CEP83: variants seen among roughly 807,000 people sequenced by gnomAD.
The protein encoded by CEP83 is centrosomal protein 83.
CEP83 carries 70 observed loss-of-function variants against 101.9 expected under a neutral mutation model. That is an observed-to-expected ratio of 0.69 (90% CI 0.57 to 0.84). The LOEUF is 0.84. Ranked by LOEUF, CEP83 falls within the 40% of genes least tolerant of loss-of-function variation. CEP83 has a pLI of 0.00. For missense variants in CEP83, 715 were observed against 787.2 expected (o/e 0.91, Z 1.10); for synonymous variants, 264 against 267.9 (o/e 0.99, Z 0.14).
At chr12:94,344,557 C>G (rs1593285345) in intron 11 of CEP83, among the ~76,000 whole-genome samples, 1 of 147,188 alleles carries the variant, frequency 6.8e-6, no homozygotes, top group Non-Finnish European at 1.5e-5. Flanking sequence ...TTTCTATATG[C>G]AACGAACAAT....
intron 6 of CEP83, among the ~76,000 whole-genome samples, chr12:94,381,197 G>C (rs2061831495): frequency 6.6e-6 from 1 of 152,154 alleles, no homozygotes; most frequent in Non-Finnish European, 1.5e-5. Flanking sequence ...ATTTGGCACA[G>C]ATCTTGGATA....
At chr12:94,449,289 T>C (rs1444989663) in intron 1 of CEP83, among the ~76,000 whole-genome samples, 1 of 152,096 alleles carries the variant, frequency 6.6e-6, no homozygotes, top group Non-Finnish European at 1.5e-5. Flanking sequence ...ATTTTAAATA[T>C]TCCCACAAAG....
At position 94,357,502 on chromosome 12, in the gene CEP83, G is replaced by A. The variant is rs149359812; in HGVS notation, c.1343+10292C>T. ...TTGATAAAGAAGGGAATCCGATTTC[G>A]GGAAATGCCATGAGGGAGCCGTCTC... On this transcript the variant is annotated intron_variant, in intron 11 of 16. Coordinates refer to ENST00000397809, the MANE Select transcript of CEP83 (RefSeq NM_016122.3). Among the ~76,000 whole-genome samples, 987 of 152,290 alleles carry A rather than the reference G, an allele frequency of 6.5e-3. 17 individuals carry two copies. Among genetic ancestry groups the A allele is most frequent in the African/African-American group, 0.023 (941 of 41,564 alleles).
In CEP83 at chr12:94,322,639, C is replaced by T. The variant is rs185103567; in HGVS notation, c.1707+9061G>A. Among the ~76,000 whole-genome samples the T allele has an allele frequency of 3.9e-5, 6 of 152,240 alleles. No homozygotes were observed. In the South Asian group the frequency reaches 8.3e-4, roughly 21 times the overall value. ...TTGGGGTATGGTTGTAGACCTCAGT[C>T]GGGAGATCCCACCCAGTGAGGAGAA... On this transcript the variant is annotated intron_variant, in intron 14 of 16. Transcript: ENST00000397809.
At position 94,429,407 on chromosome 12, in the gene CEP83, G is replaced by A. The variant is rs191671627; in HGVS notation, c.-102+5868C>T. Among the ~76,000 whole-genome samples, 6 of 152,270 alleles carry A rather than the reference G, an allele frequency of 3.9e-5. No individual in the cohort carries two copies. In the East Asian group the frequency reaches 1.2e-3, roughly 29 times the overall value. ...GCATTGCTCCAGAGAGGGAGCTCAC[G>A]CTGGGGCACACCAACCTCTCCACTC... On this transcript the variant is annotated intron_variant, in intron 2 of 16. Transcript: ENST00000397809.
At chr12:94,388,400 A>G (rs1360375093) in intron 6 of CEP83, among the ~76,000 whole-genome samples, 1 of 152,196 alleles carries the variant, frequency 6.6e-6, no homozygotes, top group Non-Finnish European at 1.5e-5. Flanking sequence ...ATATGGACAT[A>G]AAGATGGGAA....
At chr12:94,399,198 A>C (rs184349963) in intron 6 of CEP83, among the ~76,000 whole-genome samples, 1 of 152,142 alleles carries the variant, frequency 6.6e-6, no homozygotes, top group East Asian at 1.9e-4. Context: ...GAAATCCTTA[A>C]TAAATCTTGC....
chr12:94,325,910 C>T (rs531962892), intron 14 of CEP83, among the ~76,000 whole-genome samples: 2 of 152,140 alleles, frequency 1.3e-5, no homozygotes, highest in East Asian at 1.9e-4. Flanking sequence ...GCTGCTAAGA[C>T]CTATGGAATT....
At chr12:94,429,078 G>A (rs143834800) in intron 2 of CEP83, among the ~76,000 whole-genome samples, 2 of 152,284 alleles carry the variant, frequency 1.3e-5, no homozygotes. Context: ...TTTACCATGT[G>A]CACATATTAC....
At chr12:94,407,192 G>A (rs1400067561) in intron 4 of CEP83, among the ~76,000 whole-genome samples, 1 of 152,108 alleles carries the variant, frequency 6.6e-6, no homozygotes, top group African/African-American at 2.4e-5. Context: ...TCCAAAGGAG[G>A]TGAAAGAGGA....
intron 12 of CEP83, 35 bp from the exon 13 acceptor site, chr12:94,333,674 A>C (rs2059334339): frequency 6.2e-7 from 1 of 1,600,502 alleles, no homozygotes; most frequent in Non-Finnish European, 8.5e-7. Flanking sequence ...ATTAAAGCCC[A>C]CTAAATAAAT....
chr12:94,343,136 T>G (rs899126758), intron 11 of CEP83, among the ~76,000 whole-genome samples: 11 of 151,688 alleles, frequency 7.3e-5, no homozygotes, highest in African/African-American at 2.7e-4. Context: ...TATATATATA[T>G]ATAGAACTTC....
chr12:94,351,205 T>C (rs1010067341), intron 11 of CEP83, among the ~76,000 whole-genome samples: 6 of 151,414 alleles, frequency 4.0e-5, no homozygotes, highest in Non-Finnish European at 8.8e-5. Context: ...TAGGTAGGAG[T>C]TCCTTAGCAA....
At chr12:94,284,618 C>A in the CEP83 span, among the ~76,000 whole-genome samples, 1 of 151,994 alleles carries the variant, frequency 6.6e-6, no homozygotes, top group African/African-American at 2.4e-5. Context: ...TATTATTAAC[C>A]CCACTTTATA....
Position 94,396,528 on chromosome 12 carries a change from T to C in CEP83, c.549+4322A>G, listed in dbSNP as rs544018994. ...TGGTCTCGATCTCCTGACCCCGTGA[T>C]CCACCCGCCTCAGCCTCCCCAAGTG... is the stretch of plus-strand genomic sequence containing the variant. On this transcript the variant is annotated intron_variant, in intron 6 of 16. Coordinates refer to ENST00000397809, the MANE Select transcript of CEP83 (RefSeq NM_016122.3). 2.0e-5 allele frequency among the ~76,000 whole-genome samples: 3 copies of C among 152,138 alleles called. No homozygotes were observed. In the South Asian group the frequency reaches 6.2e-4, roughly 32 times the overall value.
the CEP83 span, chr12:94,282,264 A>T: frequency 6.9e-7 from 1 of 1,445,042 alleles, no homozygotes; most frequent in Non-Finnish European, 9.7e-7. Context: ...GCATTTTAAA[A>T]CTCTCTAAAA....
At chr12:94,318,923 A>C (rs1288287009) in intron 14 of CEP83, among the ~76,000 whole-genome samples, 2 of 152,210 alleles carry the variant, frequency 1.3e-5, no homozygotes, top group Non-Finnish European at 2.9e-5. Flanking sequence ...CTGGCTTCAC[A>C]GAATGATTTG....
At chr12:94,457,521 C>T (rs1362376229) in intron 1 of CEP83, among the ~76,000 whole-genome samples, 10 of 152,182 alleles carry the variant, frequency 6.6e-5, no homozygotes, top group African/African-American at 2.4e-4. Context: ...TTTCTGATTA[C>T]TAAGGATTAT....
At chr12:94,443,361 T>C (rs1161333189) in intron 1 of CEP83, among the ~76,000 whole-genome samples, 2 of 152,016 alleles carry the variant, frequency 1.3e-5, no homozygotes, top group East Asian at 3.8e-4. Flanking sequence ...CCTGAAACCC[T>C]ACAGTCTGCA....
Sources: gnomAD v4.1 joint callset for allele counts (sites outside exome capture counted in the v4.1 genomes callset) on GRCh38, gnomAD v4.1.1 for gene constraint, MANE v1.5 for transcripts, NCBI Gene and HGNC (gene_info 2026-07-23, HGNC 2026-07-21) for gene names.